Variants in MTHFD2L observed in about 807,000 individuals in gnomAD.
The protein encoded by MTHFD2L is bifunctional methylenetetrahydrofolate dehydrogenase/cyclohydrolase 2, mitochondrial.
MTHFD2L carries 29 observed loss-of-function variants against 34.9 expected under a neutral mutation model. The ratio of observed to expected loss-of-function variants is 0.83; its 90% confidence interval spans 0.62 to 1.13. The LOEUF is 1.13. Ranked by LOEUF, MTHFD2L falls within the 50% of genes most tolerant of loss-of-function variation. The pLI is 0.00. For missense variants in MTHFD2L, 481 were observed against 446.5 expected (o/e 1.08, Z -0.70); for synonymous variants, 167 against 155.7 (o/e 1.07, Z -0.54).
chr4:74,187,467 A>G (rs1451268597), intron 3 of MTHFD2L, among the ~76,000 whole-genome samples: 2 of 152,228 alleles, frequency 1.3e-5, no homozygotes, highest in Non-Finnish European at 2.9e-5. Flanking sequence ...TTGAACAGAC[A>G]CTTCAAAGAA....
intron 6 of MTHFD2L, among the ~76,000 whole-genome samples, chr4:74,258,219 C>A (rs1044981006): frequency 3.3e-5 from 5 of 152,148 alleles, no homozygotes; most frequent in African/African-American, 1.2e-4. Flanking sequence ...CTAGTAATCA[C>A]CCTTCTAAGT....
chr4:74,147,225 C>A (rs1723648404), intron 1 of MTHFD2L, among the ~76,000 whole-genome samples: 1 of 152,046 alleles, frequency 6.6e-6, no homozygotes, highest in African/African-American at 2.4e-5. Context: ...TTCTCCCATG[C>A]TCACCTGGGT....
chr4:74,172,677 T>C (rs1334200649), intron 1 of MTHFD2L, among the ~76,000 whole-genome samples: 1 of 152,234 alleles, frequency 6.6e-6, no homozygotes, highest in Non-Finnish European at 1.5e-5. Flanking sequence ...CCAGGAATTC[T>C]GAATTGTAGA....
At chr4:74,211,169 T>C (rs941381388) in intron 5 of MTHFD2L, among the ~76,000 whole-genome samples, 3 of 152,168 alleles carry the variant, frequency 2.0e-5, no homozygotes, top group African/African-American at 7.2e-5. Context: ...TTGAATACCC[T>C]TTATTTTTTT....
intron 5 of MTHFD2L, among the ~76,000 whole-genome samples, chr4:74,215,553 G>T (rs184102562): frequency 7.3e-5 from 11 of 151,550 alleles, no homozygotes; most frequent in African/African-American, 2.7e-4. Flanking sequence ...CCAATGAGAT[G>T]AGCCAAGTAC....
chr4:74,175,049 C>G (rs1728763282), intron 2 of MTHFD2L, among the ~76,000 whole-genome samples: 1 of 152,136 alleles, frequency 6.6e-6, no homozygotes, highest in Non-Finnish European at 1.5e-5. Context: ...TTCAAATCTA[C>G]TAACAGTAGC....
chr4:74,132,832 T>C (rs989955188), intron 1 of MTHFD2L, among the ~76,000 whole-genome samples: 2 of 152,186 alleles, frequency 1.3e-5, no homozygotes, highest in African/African-American at 4.8e-5. Flanking sequence ...AAAATATCTA[T>C]TTTGAACAGG....
At chr4:74,257,435 A>G (rs1158651375) in intron 6 of MTHFD2L, among the ~76,000 whole-genome samples, 2 of 152,214 alleles carry the variant, frequency 1.3e-5, no homozygotes, top group Non-Finnish European at 2.9e-5. Context: ...GTGATGAAGA[A>G]AGATATTTCA....
chr4:74,230,141 G>A (rs1739792973), intron 6 of MTHFD2L, among the ~76,000 whole-genome samples: 1 of 152,104 alleles, frequency 6.6e-6, no homozygotes, highest in Non-Finnish European at 1.5e-5. Flanking sequence ...ACACACTGTA[G>A]CATTATTTTT....
chr4:74,218,193 C>T (rs752427073), intron 5 of MTHFD2L, among the ~76,000 whole-genome samples: 5 of 151,558 alleles, frequency 3.3e-5, no homozygotes, highest in Non-Finnish European at 7.4e-5. Flanking sequence ...GAATTATTTT[C>T]CAGAGACAAT....
intron 6 of MTHFD2L, among the ~76,000 whole-genome samples, chr4:74,236,242 T>C (rs1447166884): frequency 6.6e-6 from 1 of 152,228 alleles, no homozygotes; most frequent in East Asian, 1.9e-4. Flanking sequence ...ACCAACAGCC[T>C]GGTTTTAGTA....
intron 6 of MTHFD2L, among the ~76,000 whole-genome samples, chr4:74,242,879 T>C (rs1293445485): frequency 6.6e-6 from 1 of 152,218 alleles, no homozygotes; most frequent in Non-Finnish European, 1.5e-5. Context: ...AAAACCAACA[T>C]GTGTTTAAAT....
chr4:74,193,281 G>C (rs1360092812), intron 3 of MTHFD2L, among the ~76,000 whole-genome samples: 1 of 152,110 alleles, frequency 6.6e-6, no homozygotes, highest in Non-Finnish European at 1.5e-5. Context: ...TGACTCTAAA[G>C]CTGGGCTCTC....
chr4:74,157,981 A>C, upstream of MTHFD2L: 4 of 1,145,364 alleles, frequency 3.5e-6, no homozygotes, highest in Non-Finnish European at 3.8e-6. Flanking sequence ...GGTCCTGGGA[A>C]CCGCTCTTTA....
chr4:74,240,857 T>G (rs892457041), intron 6 of MTHFD2L, among the ~76,000 whole-genome samples: 2 of 152,230 alleles, frequency 1.3e-5, no homozygotes, highest in African/African-American at 4.8e-5. Context: ...AAACAATGTA[T>G]TAAACTGAAA....
At chr4:74,227,701 A>G (rs1295908728) in intron 6 of MTHFD2L, among the ~76,000 whole-genome samples, 4 of 152,202 alleles carry the variant, frequency 2.6e-5, no homozygotes, top group African/African-American at 9.6e-5. Context: ...GTTGTCGGCC[A>G]TGGTTAGGAT....
intron 7 of MTHFD2L, among the ~76,000 whole-genome samples, chr4:74,284,530 TG>T: frequency 6.6e-6 from 1 of 151,858 alleles, no homozygotes; most frequent in Non-Finnish European, 1.5e-5. Flanking sequence ...TGGGGTTGTT[TG>T]TTTTTTTTTT....
chr4:74,301,532 CGT>C (rs72168468), intron 7 of MTHFD2L, among the ~76,000 whole-genome samples, 163 bp from the exon 8 acceptor site: 6,243 of 145,504 alleles, frequency 0.043, 336 homozygotes, highest in East Asian at 0.14. Context: ...TGAGTGTGAG[CGT>C]GTGTGTGTGT....
At chr4:74,266,541 T>C (rs925540856) in intron 6 of MTHFD2L, among the ~76,000 whole-genome samples, 11 of 152,106 alleles carry the variant, frequency 7.2e-5, no homozygotes, top group Admixed American at 1.3e-4. Flanking sequence ...AAACTAGGGA[T>C]TTTGCCAGTT....
Sources: gnomAD v4.1 joint callset for allele counts (sites outside exome capture counted in the v4.1 genomes callset) on GRCh38, gnomAD v4.1.1 for gene constraint, MANE v1.5 for transcripts, NCBI Gene and HGNC (gene_info 2026-07-23, HGNC 2026-07-21) for gene names.